CLVS1: variants seen among roughly 807,000 people sequenced by gnomAD.
CLVS1 encodes clavesin 1, also known as clavesin-1.
Under a neutral mutation model 33.1 loss-of-function variants are expected in CLVS1, and 10 were observed. The ratio of observed to expected loss-of-function variants is 0.30; its 90% CI spans 0.19 to 0.51. The LOEUF (loss-of-function observed/expected upper bound fraction) is 0.51, where lower values mean the gene tolerates loss of function less well. CLVS1 is among the 20% of genes least tolerant of loss of function. The probability of loss-of-function intolerance (pLI) is 0.97; values close to 1 mark genes in which losing one functional copy is unlikely to be tolerated. For missense variants in CLVS1, 343 were observed against 433.4 expected (o/e 0.79, Z 1.85); for synonymous variants, 163 against 166.1 (o/e 0.98, Z 0.14).
intron 2 of CLVS1, among the ~76,000 whole-genome samples, chr8:61,274,284 C>G (rs1809522294): frequency 6.6e-6 from 1 of 152,042 alleles, no homozygotes; most frequent in African/African-American, 2.4e-5. Context: ...CATTCTGTTG[C>G]CATCTGCTTG....
intron 2 of CLVS1, among the ~76,000 whole-genome samples, chr8:61,367,462 C>A (rs957677222): frequency 6.6e-6 from 1 of 152,192 alleles, no homozygotes. Context: ...TTTCTCATGA[C>A]CCAGTGGAAG....
At chr8:61,398,352 T>G (rs1814618095) in intron 3 of CLVS1, among the ~76,000 whole-genome samples, 1 of 151,926 alleles carries the variant, frequency 6.6e-6, no homozygotes, top group Non-Finnish European at 1.5e-5. Flanking sequence ...TGGTAAATTT[T>G]TGTGTTTTTG....
intron 5 of CLVS1, among the ~76,000 whole-genome samples, chr8:61,475,098 C>T (rs1817869951): frequency 6.6e-6 from 1 of 152,172 alleles, no homozygotes. Context: ...TTTCCAGCTT[C>T]ATCCATGTCC....
chr8:61,286,839 A>G (rs1013867052), upstream of CLVS1, among the ~76,000 whole-genome samples: 2 of 152,226 alleles, frequency 1.3e-5, no homozygotes, highest in Non-Finnish European at 2.9e-5. Flanking sequence ...ATTTACCCAT[A>G]GTGATCTAAC....
intron 2 of CLVS1, among the ~76,000 whole-genome samples, chr8:61,252,644 C>G (rs934859087): frequency 1.3e-5 from 2 of 152,114 alleles, no homozygotes; most frequent in South Asian, 4.1e-4. Flanking sequence ...GCTCTTCCTG[C>G]TGAATTGGTC....
chr8:61,176,215 A>G (rs2129299466), intron 2 of CLVS1, among the ~76,000 whole-genome samples: 1 of 152,332 alleles, frequency 6.6e-6, no homozygotes, highest in East Asian at 1.9e-4. Flanking sequence ...GTGCTTGAAC[A>G]TCTGGGGTTG....
chr8:61,225,743 G>T (rs567779373), intron 2 of CLVS1, among the ~76,000 whole-genome samples: 4 of 152,326 alleles, frequency 2.6e-5, no homozygotes, highest in Admixed American at 2.6e-4. Context: ...TGTATTTCAG[G>T]CAATTTGCAC....
chr8:61,300,523 G>A (rs924443650), intron 2 of CLVS1: 2 of 392,400 alleles, frequency 5.1e-6, no homozygotes, highest in African/African-American at 4.1e-5. Context: ...ATCAAAGTGG[G>A]TCATTCACTT....
rs189242850 is a variant in CLVS1 at position 61,149,086 on chromosome 8, T to A, written c.-152+17226T>A. On this transcript the variant is annotated intron_variant, in intron 2 of 2. Transcript: ENST00000522621. Reference sequence around the variant, plus strand: ...GTTGAAATTTTTTTTGGTTGTTTTCTTATTAAAAAAAATCCACTAAAATAT... The same window carrying A: ...GTTGAAATTTTTTTTGGTTGTTTTCATATTAAAAAAAATCCACTAAAATAT... Among the ~76,000 whole-genome samples the A allele has an allele frequency of 2.0e-3, 303 of 152,300 alleles. 1 individual carries two copies. Among genetic ancestry groups the A allele is most frequent in the African/African-American group, 6.8e-3 (283 of 41,564 alleles).
At chr8:60,967,944 A>T in the CLVS1 span, among the ~76,000 whole-genome samples, 4 of 151,808 alleles carry the variant, frequency 2.6e-5, no homozygotes, top group African/African-American at 9.7e-5. Flanking sequence ...ATTTAATTTA[A>T]TTTATTTATT....
chr8:61,016,310 A>G, the CLVS1 span, among the ~76,000 whole-genome samples: 1 of 152,210 alleles, frequency 6.6e-6, no homozygotes, highest in East Asian at 1.9e-4. Flanking sequence ...CTCAACCTGT[A>G]GCACATGGAT....
intron 2 of CLVS1, among the ~76,000 whole-genome samples, chr8:61,359,437 C>T (rs1002902404): frequency 2.0e-5 from 3 of 152,014 alleles, no homozygotes; most frequent in Non-Finnish European, 4.4e-5. Context: ...CTCACTGAAA[C>T]CTCTGCTTCA....
chr8:60,976,151 C>T, the CLVS1 span, among the ~76,000 whole-genome samples: 1 of 152,150 alleles, frequency 6.6e-6, no homozygotes, highest in Non-Finnish European at 1.5e-5. Context: ...CAGCATATTT[C>T]ATACTTTTCC....
intron 2 of CLVS1, among the ~76,000 whole-genome samples, chr8:61,187,678 G>T (rs1410984692): frequency 1.3e-5 from 2 of 151,750 alleles, no homozygotes; most frequent in Admixed American, 1.3e-4. Flanking sequence ...GCAATGTCAG[G>T]CTTGGTTGCT....
chr8:60,970,990 CTGAGT>C, the CLVS1 span, among the ~76,000 whole-genome samples: 3 of 150,844 alleles, frequency 2.0e-5, no homozygotes, highest in Non-Finnish European at 2.9e-5. Context: ...ATCTCTTCAG[CTGAGT>C]TATTTATTTA....
At chr8:61,190,723 C>A (rs567287989) in intron 2 of CLVS1, among the ~76,000 whole-genome samples, 2 of 152,234 alleles carry the variant, frequency 1.3e-5, no homozygotes, top group Admixed American at 1.3e-4. Flanking sequence ...ATACAAACTA[C>A]CATCAGATAA....
chr8:61,013,508 C>A, the CLVS1 span, among the ~76,000 whole-genome samples: 1 of 152,178 alleles, frequency 6.6e-6, no homozygotes, highest in African/African-American at 2.4e-5. Flanking sequence ...ATTTTCTTTC[C>A]AGATTTTCAA....
At chr8:61,041,666 G>A in the CLVS1 span, among the ~76,000 whole-genome samples, 2 of 152,030 alleles carry the variant, frequency 1.3e-5, no homozygotes, top group Non-Finnish European at 2.9e-5. Flanking sequence ...CTCTGTGCTC[G>A]CTTCGGCAGC....
the CLVS1 span, among the ~76,000 whole-genome samples, chr8:60,997,179 G>A: frequency 1.3e-5 from 2 of 152,132 alleles, no homozygotes; most frequent in South Asian, 4.1e-4. Context: ...TGTGTGTGGC[G>A]GGGGATGGTG....
Sources: allele counts gnomAD v4.1 joint callset (sites outside exome capture counted in the v4.1 genomes callset), GRCh38; gene constraint gnomAD v4.1.1; transcripts MANE v1.5; gene names NCBI Gene and HGNC (gene_info 2026-07-23, HGNC 2026-07-21).